Variants in RANBP2 observed in about 807,000 individuals in gnomAD.
RANBP2 encodes the protein RAN binding protein 2.
RANBP2 carries 57 observed loss-of-function variants against 303.6 expected under a neutral mutation model. The observed-to-expected ratio is 0.19, with a 90% CI of 0.15 to 0.23. The LOEUF (loss-of-function observed/expected upper bound fraction) is 0.23. Among genes scored for constraint, RANBP2 ranks in the 10% least tolerant of loss-of-function variants. The probability of loss-of-function intolerance (pLI) is 1.00; values close to 1 mark genes in which losing one functional copy is unlikely to be tolerated. For missense variants in RANBP2, 3,138 were observed against 3,780.8 expected (o/e 0.83, Z 4.46); for synonymous variants, 1,167 against 1,301.5 (o/e 0.90, Z 2.23).
the RANBP2 span, among the ~76,000 whole-genome samples, chr2:109,233,448 C>T: frequency 2.0e-5 from 3 of 152,240 alleles, no homozygotes; most frequent in African/African-American, 7.2e-5. Context: ...CCCTCCTCTG[C>T]TGCACTGCTC....
chr2:108,755,509 C>T (rs1407468699), intron 17 of RANBP2, among the ~76,000 whole-genome samples: 1 of 151,938 alleles, frequency 6.6e-6, no homozygotes, highest in Non-Finnish European at 1.5e-5. Flanking sequence ...CTTGGCTCAG[C>T]CTGCCACGAA....
chr2:109,464,767 C>T, the RANBP2 span, among the ~76,000 whole-genome samples: 1 of 152,186 alleles, frequency 6.6e-6, no homozygotes, highest in Non-Finnish European at 1.5e-5. Flanking sequence ...TATCAATGGC[C>T]TACACCAAAG....
chr2:109,041,685 C>CTT, the RANBP2 span, among the ~76,000 whole-genome samples: 29 of 82,048 alleles, frequency 3.5e-4, no homozygotes, highest in African/African-American at 6.8e-4. Flanking sequence ...CCATGCCCGG[C>CTT]TTTTTTTTTT....
At chr2:109,314,666 A>G in the RANBP2 span, among the ~76,000 whole-genome samples, 1 of 152,256 alleles carries the variant, frequency 6.6e-6, no homozygotes, top group Non-Finnish European at 1.5e-5. Context: ...ATCCTCCTTT[A>G]CATGCATAAG....
At chr2:109,222,909 C>CA in the RANBP2 span, among the ~76,000 whole-genome samples, 59 of 152,386 alleles carry the variant, frequency 3.9e-4, no homozygotes, top group Admixed American at 6.5e-4. Context: ...CATGGGGACT[C>CA]AGCCAGCTGT....
the RANBP2 span, chr2:109,347,931 C>T: frequency 3.1e-6 from 5 of 1,605,734 alleles, no homozygotes; most frequent in Admixed American, 1.7e-5. Context: ...AAGACAAGGA[C>T]TGTCTGACCT....
the RANBP2 span, among the ~76,000 whole-genome samples, chr2:109,450,326 ACAGAG>A: frequency 6.6e-6 from 1 of 151,094 alleles, no homozygotes; most frequent in Non-Finnish European, 1.5e-5. Flanking sequence ...AGCCTGGGCA[ACAGAG>A]CAAGACTGCA....
the RANBP2 span, among the ~76,000 whole-genome samples, chr2:109,222,210 G>A: frequency 2.6e-5 from 4 of 152,190 alleles, no homozygotes; most frequent in Non-Finnish European, 5.9e-5. Flanking sequence ...GTTGGTGGTA[G>A]GGAGGTAAAG....
the RANBP2 span, among the ~76,000 whole-genome samples, chr2:109,325,797 C>T: frequency 6.6e-6 from 1 of 152,202 alleles, no homozygotes; most frequent in Non-Finnish European, 1.5e-5. Context: ...CTGCACCCTC[C>T]TTATTACTGC....
At chr2:109,276,685 T>C in the RANBP2 span, among the ~76,000 whole-genome samples, 2 of 152,334 alleles carry the variant, frequency 1.3e-5, no homozygotes, top group Middle Eastern at 3.4e-3. Context: ...CTAAGTCAGA[T>C]AGAGACCCTT....
the RANBP2 span, among the ~76,000 whole-genome samples, chr2:109,625,623 G>A: frequency 6.6e-6 from 1 of 151,548 alleles, no homozygotes. Context: ...CCGAGATCAC[G>A]CCACTGCACT....
At chr2:109,205,803 G>C in the RANBP2 span, among the ~76,000 whole-genome samples, 1 of 152,198 alleles carries the variant, frequency 6.6e-6, no homozygotes, top group South Asian at 2.1e-4. Context: ...GGGGATCAGA[G>C]ACAGGGAAGC....
the RANBP2 span, among the ~76,000 whole-genome samples, chr2:109,035,111 C>T: frequency 6.6e-5 from 10 of 152,068 alleles, no homozygotes; most frequent in Admixed American, 2.6e-4. Flanking sequence ...GCATGGTACA[C>T]GTATGTTTTT....
At position 108,783,727 on chromosome 2, in the gene RANBP2, CA is replaced by C; in HGVS notation, c.9503del (p.Asn3168IlefsTer7). The C allele has an allele frequency of 6.2e-7, 1 of 1,612,642 alleles. No individual in the cohort carries two copies. The highest frequency in any genetic ancestry group is 8.5e-7 in the Non-Finnish European group (1 of 1,178,768). Reference sequence around the variant, plus strand: ...CCATGGCCAATCAAGGCCAGAATACCAATAATTCTCAATTTGTTATAACACT... The same window carrying C: ...CCATGGCCAATCAAGGCCAGAATACCATAATTCTCAATTTGTTATAACACT... Reference protein sequence around the residue: ...LSMANQGQNTNNSQFVITLKK... With the variant: ...LSMANQGQNTXNSQFVITLKK... On this transcript the variant is annotated frameshift_variant, in exon 29 of 29. Coordinates refer to ENST00000283195, the MANE Select transcript of RANBP2 (RefSeq NM_006267.5). LOFTEE classifies it high-confidence loss of function.
chr2:109,201,704 C>T, the RANBP2 span, among the ~76,000 whole-genome samples: 4 of 152,186 alleles, frequency 2.6e-5, no homozygotes, highest in East Asian at 1.9e-4. Flanking sequence ...GGAAACGCTG[C>T]GCCTTGCATG....
the RANBP2 span, among the ~76,000 whole-genome samples, chr2:108,962,795 G>T: frequency 6.6e-6 from 1 of 150,510 alleles, no homozygotes; most frequent in African/African-American, 2.4e-5. Flanking sequence ...AAAACCAACC[G>T]CAGTACCATT....
the RANBP2 span, among the ~76,000 whole-genome samples, chr2:109,580,018 G>A: frequency 6.6e-6 from 1 of 151,884 alleles, no homozygotes; most frequent in Admixed American, 6.6e-5. Flanking sequence ...CTACTCGGGA[G>A]GCTGAGGCAG....
chr2:109,236,040 CTTACT>C, the RANBP2 span, among the ~76,000 whole-genome samples: 171 of 149,668 alleles, frequency 1.1e-3, no homozygotes, highest in African/African-American at 4.1e-3. Flanking sequence ...GCTCACTGCC[CTTACT>C]TTAAGAGGCT....
At chr2:108,824,410 C>T in the RANBP2 span, among the ~76,000 whole-genome samples, 3 of 152,014 alleles carry the variant, frequency 2.0e-5, no homozygotes, top group South Asian at 2.1e-4. Flanking sequence ...AAGACACAAA[C>T]GCACATGTTA....
Sources: allele counts gnomAD v4.1 joint callset (sites outside exome capture counted in the v4.1 genomes callset), GRCh38; gene constraint gnomAD v4.1.1; transcripts MANE v1.5; gene names NCBI Gene and HGNC (gene_info 2026-07-23, HGNC 2026-07-21).